Variants in PDE4B observed in about 807,000 individuals in gnomAD.
PDE4B encodes phosphodiesterase 4B.
PDE4B carries 20 observed loss-of-function variants against 82.2 expected under a neutral mutation model. That is an observed-to-expected ratio of 0.24 (90% confidence interval 0.17 to 0.35). The LOEUF is 0.35. Ranked by LOEUF, PDE4B falls within the 10% of genes least tolerant of loss-of-function variation. PDE4B has a pLI of 1.00. For missense variants in PDE4B, 655 were observed against 907.2 expected, an observed-to-expected ratio of 0.72 and a Z score of 3.57; for synonymous variants, 320 against 318.9, an observed-to-expected ratio of 1.00 and a Z score of -0.04.
At chr1:66,305,560 T>A (rs1378965244) in intron 7 of PDE4B, among the ~76,000 whole-genome samples, 3 of 152,140 alleles carry the variant, frequency 2.0e-5, no homozygotes, top group African/African-American at 7.2e-5. Context: ...AGCCTACATT[T>A]TATTCATAGG....
At chr1:66,265,271 A>C (rs891799601) in intron 6 of PDE4B, among the ~76,000 whole-genome samples, 1 of 152,200 alleles carries the variant, frequency 6.6e-6, no homozygotes, top group African/African-American at 2.4e-5. Flanking sequence ...ATTCCTGAGA[A>C]GTTTTCCAGC....
intron 3 of PDE4B, 51 bp downstream of exon 3, chr1:65,918,886 T>C: frequency 9.0e-7 from 1 of 1,105,680 alleles, no homozygotes; most frequent in Non-Finnish European, 1.4e-6. Flanking sequence ...TTTTCCAATT[T>C]CTCCAAATAC....
intron 3 of PDE4B, among the ~76,000 whole-genome samples, chr1:66,097,829 G>A (rs1490275111): frequency 6.9e-6 from 1 of 145,040 alleles, no homozygotes; most frequent in Non-Finnish European, 1.5e-5. Context: ...ATTAATTATT[G>A]GACTTTTTAG....
At chr1:66,198,737 T>C (rs1048686811) in intron 3 of PDE4B, among the ~76,000 whole-genome samples, 2 of 152,160 alleles carry the variant, frequency 1.3e-5, no homozygotes, top group African/African-American at 4.8e-5. Flanking sequence ...ATTAGGTATA[T>C]CTCCTAATGC....
chr1:66,120,617 C>T (rs1196851013), intron 3 of PDE4B, among the ~76,000 whole-genome samples: 2 of 152,104 alleles, frequency 1.3e-5, no homozygotes, highest in Non-Finnish European at 2.9e-5. Flanking sequence ...GGTTTCACAT[C>T]AAAATCTGAA....
At chr1:66,316,087 T>C (rs1241899035) in intron 7 of PDE4B, among the ~76,000 whole-genome samples, 1 of 152,216 alleles carries the variant, frequency 6.6e-6, no homozygotes, top group Non-Finnish European at 1.5e-5. Flanking sequence ...AGTCAGAGTG[T>C]AGCAGTAATT....
At chr1:65,905,386 C>T (rs559233182) in intron 1 of PDE4B, among the ~76,000 whole-genome samples, 4 of 152,058 alleles carry the variant, frequency 2.6e-5, no homozygotes, top group Non-Finnish European at 5.9e-5. Context: ...TACATCCAGT[C>T]GAACTAAAGC....
At chr1:65,970,028 A>G (rs1019127476) in intron 3 of PDE4B, among the ~76,000 whole-genome samples, 1 of 152,102 alleles carries the variant, frequency 6.6e-6, no homozygotes, top group African/African-American at 2.4e-5. Flanking sequence ...GTAATAAACA[A>G]TGTATAAGTG....
intron 3 of PDE4B, among the ~76,000 whole-genome samples, chr1:65,951,544 G>A (rs1262907869): frequency 6.6e-6 from 1 of 152,036 alleles, no homozygotes; most frequent in Non-Finnish European, 1.5e-5. Context: ...CTCCTGAGTT[G>A]ATTTAAGGCA....
At chr1:66,263,638 A>G (rs948577503) in intron 6 of PDE4B, among the ~76,000 whole-genome samples, 1 of 152,202 alleles carries the variant, frequency 6.6e-6, no homozygotes, top group Non-Finnish European at 1.5e-5. Context: ...AGTGGAGATA[A>G]TATGTGCCAA....
At chr1:66,115,238 T>A (rs1478713908) in intron 3 of PDE4B, among the ~76,000 whole-genome samples, 1 of 152,218 alleles carries the variant, frequency 6.6e-6, no homozygotes, top group African/African-American at 2.4e-5. Flanking sequence ...ATGGTTCTCT[T>A]TTCTTGCTTA....
intron 7 of PDE4B, among the ~76,000 whole-genome samples, chr1:66,279,907 A>G (rs1656172529): frequency 6.6e-6 from 1 of 152,190 alleles, no homozygotes; most frequent in South Asian, 2.1e-4. Flanking sequence ...TATTGATTGT[A>G]GATGTTAACC....
chr1:66,146,124 C>T (rs1212951933), intron 3 of PDE4B, among the ~76,000 whole-genome samples: 1 of 146,814 alleles, frequency 6.8e-6, no homozygotes, highest in Non-Finnish European at 1.5e-5. Flanking sequence ...TATATCAACA[C>T]TACTCATCCT....
chr1:66,115,539 T>G (rs1645577743), intron 3 of PDE4B, among the ~76,000 whole-genome samples: 1 of 152,230 alleles, frequency 6.6e-6, no homozygotes, highest in Non-Finnish European at 1.5e-5. Context: ...TGCATAAAAG[T>G]TAATCAGACC....
chr1:66,354,553 C>A (rs1296108669), intron 8 of PDE4B: 1 of 1,194,216 alleles, frequency 8.4e-7, no homozygotes, highest in East Asian at 4.3e-5. Flanking sequence ...TTCAAACCAG[C>A]CAGCTGAATA....
At chr1:66,327,114 A>G (rs1659799133) in intron 7 of PDE4B, among the ~76,000 whole-genome samples, 1 of 152,134 alleles carries the variant, frequency 6.6e-6, no homozygotes, top group Admixed American at 6.5e-5. Context: ...AGAGGTTTCT[A>G]ATTACCCTTT....
intron 3 of PDE4B, among the ~76,000 whole-genome samples, chr1:66,143,276 T>C (rs1051781050): frequency 3.3e-5 from 5 of 152,182 alleles, no homozygotes; most frequent in African/African-American, 1.2e-4. Flanking sequence ...CAGAATTCAT[T>C]TTAGCCAGGG....
chr1:66,232,869 G>A (rs757663623), intron 3 of PDE4B, among the ~76,000 whole-genome samples: 14 of 152,142 alleles, frequency 9.2e-5, no homozygotes, highest in Non-Finnish European at 1.9e-4. Flanking sequence ...TAAGGAAATG[G>A]AGACAGCAAT....
intron 3 of PDE4B, among the ~76,000 whole-genome samples, chr1:66,131,592 G>GATACATATATAT (rs1645945246): frequency 3.0e-5 from 1 of 32,842 alleles, no homozygotes; most frequent in Non-Finnish European, 7.9e-5. Context: ...CTGAATGCCA[G>GATACATATATAT]ATATATATAT....
Sources: allele counts gnomAD v4.1 joint callset (sites outside exome capture counted in the v4.1 genomes callset), GRCh38; gene constraint gnomAD v4.1.1; transcripts MANE v1.5; gene names NCBI Gene and HGNC (gene_info 2026-07-23, HGNC 2026-07-21).